FOXN3: variants seen among roughly 807,000 people sequenced by gnomAD.
FOXN3 encodes forkhead box N3.
FOXN3 carries 7 observed loss-of-function variants against 38.4 expected under a neutral mutation model. That is an observed-to-expected ratio of 0.18 (90% CI 0.10 to 0.34). FOXN3 has a LOEUF of 0.34. Ranked by LOEUF, FOXN3 falls within the 10% of genes least tolerant of loss-of-function variation. FOXN3 has a pLI of 1.00. For synonymous variants in FOXN3, 230 were observed against 242.2 expected, an observed-to-expected ratio of 0.95 and a Z score of 0.47; for missense variants, 456 against 613.4, an observed-to-expected ratio of 0.74 and a Z score of 2.71.
intron 5 of FOXN3, among the ~76,000 whole-genome samples, chr14:89,179,527 G>A (rs1361004082): frequency 6.6e-6 from 1 of 152,216 alleles, no homozygotes; most frequent in Admixed American, 6.5e-5. Flanking sequence ...AGCTCAGTGA[G>A]ACAGGCTTTT....
chr14:89,323,951 C>T (rs139433959), intron 3 of FOXN3, among the ~76,000 whole-genome samples: 1,999 of 152,214 alleles, frequency 0.013, 19 homozygotes, highest in Non-Finnish European at 0.02. Context: ...TCATTAGAGG[C>T]AGGGACCTCT....
At chr14:89,309,737 G>A (rs923532100) in intron 3 of FOXN3, among the ~76,000 whole-genome samples, 1 of 152,156 alleles carries the variant, frequency 6.6e-6, no homozygotes, top group Non-Finnish European at 1.5e-5. Context: ...CTGGTTTAAT[G>A]CTGAAATGGC....
chr14:89,544,963 A>G (rs1240712112), intron 1 of FOXN3, among the ~76,000 whole-genome samples: 1 of 152,246 alleles, frequency 6.6e-6, no homozygotes, highest in African/African-American at 2.4e-5. Context: ...CAAAGCATGA[A>G]GAGAACAGTG....
At position 89,230,903 on chromosome 14, in the gene FOXN3, CT is replaced by C. The variant is rs549251426; in HGVS notation, c.745+50046del. 284 of 455,644 alleles carry C rather than the reference CT, an allele frequency of 6.2e-4. 2 individuals carry two copies. Among genetic ancestry groups the C allele is most frequent in the African/African-American group, 5.4e-3 (271 of 50,114 alleles). 28.2% of individuals were successfully genotyped at this position (455,644 alleles called of 1,614,324 possible). On this transcript the variant is annotated intron_variant, in intron 4 of 5. Coordinates refer to ENST00000557258, the MANE Select transcript of FOXN3 (RefSeq NM_005197.4). ...AATAGCTTTCATTTATAAAGTACTT[CT>C]TCTATTTTCTCATTTGAGCCTCGCA... is the stretch of plus-strand genomic sequence containing the variant.
chr14:89,567,719 TG>T (rs1221441594), intron 1 of FOXN3, among the ~76,000 whole-genome samples: 3 of 119,352 alleles, frequency 2.5e-5, no homozygotes, highest in Non-Finnish European at 5.1e-5. Flanking sequence ...CAAATCTCGT[TG>T]ATTTTTTTTT....
intron 2 of FOXN3, among the ~76,000 whole-genome samples, chr14:89,372,942 G>T (rs541710726): frequency 6.6e-6 from 1 of 152,288 alleles, no homozygotes; most frequent in Non-Finnish European, 1.5e-5. Context: ...AAGGCGGAAG[G>T]ATCGCTTGAG....
chr14:89,373,912 G>A (rs1262417856), intron 2 of FOXN3, among the ~76,000 whole-genome samples: 3 of 152,128 alleles, frequency 2.0e-5, no homozygotes, highest in African/African-American at 7.2e-5. Flanking sequence ...TGAGAACACT[G>A]ACAATACAAA....
At chr14:89,449,921 T>G (rs1012207743) in intron 1 of FOXN3, among the ~76,000 whole-genome samples, 2 of 151,992 alleles carry the variant, frequency 1.3e-5, no homozygotes, top group African/African-American at 4.8e-5. Context: ...GAAGAGACAA[T>G]GGGGGCCAGG....
chr14:89,367,407 G>A (rs369499929), intron 2 of FOXN3, among the ~76,000 whole-genome samples: 1 of 152,190 alleles, frequency 6.6e-6, no homozygotes, highest in Non-Finnish European at 1.5e-5. Context: ...AACCATCTCC[G>A]ACCCACATGT....
intron 1 of FOXN3, among the ~76,000 whole-genome samples, chr14:89,491,155 A>T (rs1318196248): frequency 1.4e-5 from 2 of 147,944 alleles, no homozygotes; most frequent in East Asian, 2.0e-4. Context: ...TTTTTTTTTT[A>T]AGTAGAGACG....
chr14:89,501,904 A>T (rs1309697933), intron 1 of FOXN3, among the ~76,000 whole-genome samples: 1 of 151,980 alleles, frequency 6.6e-6, no homozygotes, highest in Admixed American at 6.6e-5. Flanking sequence ...GATGGCTCAC[A>T]CCTGTAATCC....
At chr14:89,610,616 G>T (rs1413083098) in intron 1 of FOXN3, among the ~76,000 whole-genome samples, 1 of 152,190 alleles carries the variant, frequency 6.6e-6, no homozygotes, top group Non-Finnish European at 1.5e-5. Context: ...CATGAGGGTG[G>T]CACTTCAGTC....
chr14:89,297,378 C>A (rs537240885), intron 3 of FOXN3, among the ~76,000 whole-genome samples: 1 of 151,558 alleles, frequency 6.6e-6, no homozygotes. Context: ...CTGGCTAACA[C>A]GGTGAAACCC....
At chr14:89,413,651 A>G (rs982942808) in intron 1 of FOXN3, among the ~76,000 whole-genome samples, 18 of 82,970 alleles carry the variant, frequency 2.2e-4, no homozygotes, top group African/African-American at 3.6e-5. Context: ...TGAAGAAGGT[A>G]AGGAAGAAGG....
chr14:89,237,441 T>C (rs1885012473), intron 4 of FOXN3, among the ~76,000 whole-genome samples: 1 of 152,258 alleles, frequency 6.6e-6, no homozygotes, highest in African/African-American at 2.4e-5. Flanking sequence ...GTTAAAAAAC[T>C]AAACATGCAA....
intron 1 of FOXN3, among the ~76,000 whole-genome samples, chr14:89,593,329 ATAAGGT>A (rs111673732): frequency 0.066 from 10,104 of 152,072 alleles, 798 homozygotes; most frequent in African/African-American, 0.18. Flanking sequence ...TCAAAAAGAG[ATAAGGT>A]TTATTAATAG....
At chr14:89,301,922 C>T (rs1438723814) in intron 3 of FOXN3, among the ~76,000 whole-genome samples, 3 of 152,178 alleles carry the variant, frequency 2.0e-5, no homozygotes, top group Non-Finnish European at 4.4e-5. Flanking sequence ...TGTCTACTCA[C>T]TCCTTTCCCG....
chr14:89,305,859 G>A (rs566353432), intron 3 of FOXN3, among the ~76,000 whole-genome samples: 1 of 152,316 alleles, frequency 6.6e-6, no homozygotes, highest in Admixed American at 6.5e-5. Context: ...GAATGTTTCT[G>A]CAACTTTCCT....
At chr14:89,386,143 A>G (rs1890784214) in intron 2 of FOXN3, among the ~76,000 whole-genome samples, 1 of 152,190 alleles carries the variant, frequency 6.6e-6, no homozygotes, top group Non-Finnish European at 1.5e-5. Flanking sequence ...GGAGCTCGGG[A>G]GGGTGGGTGA....
Sources: allele counts gnomAD v4.1 joint callset (sites outside exome capture counted in the v4.1 genomes callset), GRCh38; gene constraint gnomAD v4.1.1; transcripts MANE v1.5; gene names NCBI Gene and HGNC (gene_info 2026-07-23, HGNC 2026-07-21).